The following SEMA5A variants were observed in gnomAD, a reference collection of about 807,000 sequenced individuals.
The protein encoded by SEMA5A is semaphorin-5A.
Under a neutral mutation model 135.5 loss-of-function variants are expected in SEMA5A, and 55 were observed. The observed-to-expected ratio is 0.41, with a 90% CI of 0.33 to 0.51. The LOEUF (loss-of-function observed/expected upper bound fraction) is 0.51, where lower values mean the gene tolerates loss of function less well. Ranked by LOEUF, SEMA5A falls within the 20% of genes least tolerant of loss-of-function variation. The pLI is 0.37. For missense variants in SEMA5A, 1,290 were observed against 1,419.9 expected (o/e 0.91, Z 1.47); for synonymous variants, 580 against 546.5 (o/e 1.06, Z -0.85).
chr5:9,146,342 T>C, intron 12 of SEMA5A, among the ~76,000 whole-genome samples: 1 of 152,234 alleles, frequency 6.6e-6, no homozygotes, highest in East Asian at 1.9e-4. Flanking sequence ...ATCCATATAA[T>C]GTTGCTGTGC....
intron 4 of SEMA5A, among the ~76,000 whole-genome samples, chr5:9,336,219 T>C (rs1753384204): frequency 6.6e-6 from 1 of 151,928 alleles, no homozygotes. Flanking sequence ...ATTCCATAAG[T>C]GTAGGCAGAA....
In SEMA5A at chr5:9,420,290, A is replaced by T. The variant is rs924347697; in HGVS notation, c.-78+17466T>A. On this transcript the variant is annotated intron_variant, in intron 2 of 22. Transcript: ENST00000382496. Reference sequence around the variant, plus strand: ...TTTATGCAACACCCCTGGAATAAAAAGTTAGGCATTTACCATTATAATTTA... The same window carrying T: ...TTTATGCAACACCCCTGGAATAAAATGTTAGGCATTTACCATTATAATTTA... Among the ~76,000 whole-genome samples the T allele has an allele frequency of 3.9e-5, 6 of 152,142 alleles. No homozygotes were observed. In the South Asian group the frequency reaches 1.2e-3, roughly 32 times the overall value.
At chr5:9,437,048 G>A (rs1245439419) in intron 2 of SEMA5A, among the ~76,000 whole-genome samples, 1 of 152,186 alleles carries the variant, frequency 6.6e-6, no homozygotes, top group African/African-American at 2.4e-5. Flanking sequence ...ATCATGAGAG[G>A]TTTAGGGCTT....
chr5:9,229,641 A>T (rs1237442854), intron 6 of SEMA5A, among the ~76,000 whole-genome samples: 1 of 152,062 alleles, frequency 6.6e-6, no homozygotes, highest in Non-Finnish European at 1.5e-5. Flanking sequence ...TACAAACAGA[A>T]TAGAAGGGTG....
chr5:9,504,239 A>AG (rs1561304283), intron 1 of SEMA5A, among the ~76,000 whole-genome samples: 40 of 150,916 alleles, frequency 2.7e-4, no homozygotes, highest in African/African-American at 8.8e-4. Flanking sequence ...AAAAAAAAAA[A>AG]CAAAAGAAAA....
intron 5 of SEMA5A, among the ~76,000 whole-genome samples, chr5:9,278,806 G>A (rs759589768): frequency 3.2e-4 from 48 of 152,370 alleles, no homozygotes; most frequent in Non-Finnish European, 5.1e-4. Flanking sequence ...GCCTGCAGGT[G>A]CACAGAAGGT....
intron 3 of SEMA5A, among the ~76,000 whole-genome samples, chr5:9,346,813 G>A (rs1753892784): frequency 6.6e-6 from 1 of 152,148 alleles, no homozygotes; most frequent in African/African-American, 2.4e-5. Context: ...GTCCTGGGAA[G>A]GGGTCAGGGA....
At chr5:9,071,974 C>A (rs962317934) in intron 16 of SEMA5A, among the ~76,000 whole-genome samples, 1 of 152,126 alleles carries the variant, frequency 6.6e-6, no homozygotes. Context: ...GCAAACAGAA[C>A]AAAGATTGAC....
intron 5 of SEMA5A, among the ~76,000 whole-genome samples, chr5:9,251,235 C>T (rs1019794650): frequency 6.6e-6 from 1 of 152,148 alleles, no homozygotes; most frequent in Non-Finnish European, 1.5e-5. Flanking sequence ...GCCTCCAGAA[C>T]CATGAGTCAA....
At chr5:9,476,913 C>G (rs1024229120) in intron 1 of SEMA5A, among the ~76,000 whole-genome samples, 2 of 148,110 alleles carry the variant, frequency 1.4e-5, no homozygotes, top group Non-Finnish European at 3.0e-5. Context: ...CATGTCTTTA[C>G]AAAACTAAAA....
intron 2 of SEMA5A, among the ~76,000 whole-genome samples, chr5:9,436,954 G>GT (rs11399144): frequency 0.53 from 80,094 of 151,894 alleles, 22,319 homozygotes; most frequent in Middle Eastern, 0.66. Context: ...TCATTGTGAA[G>GT]TGGGGGGTCA....
At chr5:9,093,858 A>G (rs1739174885) in intron 16 of SEMA5A, among the ~76,000 whole-genome samples, 3 of 152,114 alleles carry the variant, frequency 2.0e-5, no homozygotes, top group African/African-American at 7.2e-5. Flanking sequence ...TTCCAGTGTT[A>G]GGTGTGAATC....
At chr5:9,368,364 C>T (rs988678523) in intron 3 of SEMA5A, among the ~76,000 whole-genome samples, 10 of 152,198 alleles carry the variant, frequency 6.6e-5, no homozygotes, top group Non-Finnish European at 4.4e-5. Context: ...TATGCATCCT[C>T]ATTTGAGTTG....
rs185782382 is a variant in SEMA5A, at chr5:9,191,481, T to C, written c.1069-1010A>G. On this transcript the variant is annotated intron_variant, in intron 10 of 22. Coordinates refer to ENST00000382496, the MANE Select transcript of SEMA5A (RefSeq NM_003966.3). The stretch of plus-strand genomic sequence containing the variant: ...GGTACAAATGGTGACTGATCCCCAG[T>C]AGAACTTCACATAAGTAGGTTTGAT... Among the ~76,000 whole-genome samples the C allele has an allele frequency of 9.8e-5, 15 of 152,304 alleles. No homozygotes were observed. In the East Asian group the frequency reaches 1.9e-3, roughly 20 times the overall value.
intron 19 of SEMA5A, among the ~76,000 whole-genome samples, chr5:9,053,618 A>G (rs1736716472): frequency 6.6e-6 from 1 of 152,066 alleles, no homozygotes; most frequent in Non-Finnish European, 1.5e-5. Flanking sequence ...TGAGACAAAA[A>G]GGCTGCAGGC....
intron 2 of SEMA5A, among the ~76,000 whole-genome samples, chr5:9,389,601 T>G (rs1490897951): frequency 6.6e-6 from 1 of 152,180 alleles, no homozygotes; most frequent in Non-Finnish European, 1.5e-5. Context: ...TGTGAGTGTC[T>G]TGACAATCCT....
At chr5:9,258,391 A>G (rs1040346422) in intron 5 of SEMA5A, among the ~76,000 whole-genome samples, 1 of 152,218 alleles carries the variant, frequency 6.6e-6, no homozygotes, top group African/African-American at 2.4e-5. Context: ...CTGGTAGCCA[A>G]CCAGGCGTGC....
chr5:9,541,294 T>C (rs1738071836), intron 1 of SEMA5A, among the ~76,000 whole-genome samples: 1 of 152,228 alleles, frequency 6.6e-6, no homozygotes, highest in Non-Finnish European at 1.5e-5. Flanking sequence ...TGTAATTTAC[T>C]CTCAATTGTA....
chr5:9,094,507 C>A (rs1286939195), intron 16 of SEMA5A, among the ~76,000 whole-genome samples: 1 of 152,192 alleles, frequency 6.6e-6, no homozygotes, highest in Non-Finnish European at 1.5e-5. Flanking sequence ...ATGAAAACTG[C>A]CCAGCAAATG....
Sources: gnomAD v4.1 joint callset for allele counts (sites outside exome capture counted in the v4.1 genomes callset) on GRCh38, gnomAD v4.1.1 for gene constraint, MANE v1.5 for transcripts, NCBI Gene and HGNC (gene_info 2026-07-23, HGNC 2026-07-21) for gene names.